Variants in SHC3 observed in about 807,000 individuals in gnomAD.
SHC3 encodes SHC-transforming protein 3.
SHC3 carries 15 observed loss-of-function variants against 60.4 expected under a neutral mutation model. The ratio of observed to expected loss-of-function variants is 0.25; its 90% CI spans 0.17 to 0.38. The LOEUF is 0.38. SHC3 is among the 10% of genes least tolerant of loss of function. The pLI is 1.00. For synonymous variants in SHC3, 294 were observed against 325.9 expected, an observed-to-expected ratio of 0.90 and a Z score of 1.05; for missense variants, 677 against 786.1, an observed-to-expected ratio of 0.86 and a Z score of 1.66.
chr9:89,022,074 T>C (rs1035780307), intron 11 of SHC3, among the ~76,000 whole-genome samples: 2 of 152,168 alleles, frequency 1.3e-5, no homozygotes, highest in African/African-American at 4.8e-5. Flanking sequence ...CAGCTGGTCC[T>C]CCAGCAAACA....
intron 4 of SHC3, among the ~76,000 whole-genome samples, chr9:89,073,275 G>A (rs1825302960): frequency 6.6e-6 from 1 of 152,236 alleles, no homozygotes; most frequent in African/African-American, 2.4e-5. Flanking sequence ...CGTGATGCGT[G>A]AGCCTTATTG....
At chr9:89,098,875 G>A (rs1825743229) in intron 2 of SHC3, among the ~76,000 whole-genome samples, 1 of 152,088 alleles carries the variant, frequency 6.6e-6, no homozygotes. Context: ...GGGAGGCTGA[G>A]GCAGAAGAAT....
intron 5 of SHC3, among the ~76,000 whole-genome samples, chr9:89,067,947 A>G (rs959757275): frequency 3.3e-5 from 5 of 152,194 alleles, no homozygotes; most frequent in Admixed American, 2.0e-4. Flanking sequence ...TAATGAATAC[A>G]AGGAATATAT....
intron 6 of SHC3, among the ~76,000 whole-genome samples, chr9:89,054,634 C>T (rs1360213071): frequency 6.6e-6 from 1 of 152,210 alleles, no homozygotes; most frequent in Non-Finnish European, 1.5e-5. Context: ...CCTGAGGAAA[C>T]AACAAAACCA....
intron 1 of SHC3, among the ~76,000 whole-genome samples, chr9:89,167,665 T>C (rs1016823043): frequency 1.3e-5 from 2 of 152,272 alleles, no homozygotes; most frequent in African/African-American, 4.8e-5. Context: ...ATTTGTTCTT[T>C]AATTTGGTCA....
intron 2 of SHC3, among the ~76,000 whole-genome samples, chr9:89,086,845 A>T (rs1825538250): frequency 1.3e-5 from 2 of 152,182 alleles, no homozygotes; most frequent in African/African-American, 4.8e-5. Context: ...CCAAATGCAT[A>T]TTTCACAGTA....
chr9:89,019,715 G>T (rs1826166554), intron 11 of SHC3, among the ~76,000 whole-genome samples: 1 of 152,080 alleles, frequency 6.6e-6, no homozygotes, highest in Non-Finnish European at 1.5e-5. Flanking sequence ...AGATCTACAT[G>T]AGGAAAACTA....
intron 2 of SHC3, among the ~76,000 whole-genome samples, chr9:89,080,707 T>A (rs1295017451): frequency 6.7e-6 from 1 of 148,198 alleles, no homozygotes; most frequent in African/African-American, 2.5e-5. Flanking sequence ...AATGAAACGA[T>A]GAAAGTAGTA....
Position 89,026,764 on chromosome 9 carries a change from C to T in SHC3, c.1656+11229G>A, listed in dbSNP as rs192117724. Among the ~76,000 whole-genome samples, 723 of 152,328 alleles carry T rather than the reference C, an allele frequency of 4.7e-3. 1 individual carries two copies. Among genetic ancestry groups the T allele is most frequent in the Non-Finnish European group, 7.5e-3 (511 of 68,022 alleles). On this transcript the variant is annotated intron_variant, in intron 11 of 11. Coordinates refer to ENST00000375835, the MANE Select transcript of SHC3 (RefSeq NM_016848.6). ...CCCACAAGCAACCCCTTTGCCTGGGCGAGCACTCACTTTCCACCTGAGGAG... is the reference window on the plus strand; with the variant it reads ...CCCACAAGCAACCCCTTTGCCTGGGTGAGCACTCACTTTCCACCTGAGGAG...
intron 2 of SHC3, chr9:89,110,564 T>A: frequency 1.4e-6 from 1 of 699,874 alleles, no homozygotes; most frequent in Non-Finnish European, 1.8e-6. Context: ...TGCAAAGTGC[T>A]TCATTCTGAA....
intron 11 of SHC3, among the ~76,000 whole-genome samples, chr9:89,027,969 G>A (rs1826349282): frequency 1.3e-5 from 2 of 152,204 alleles, no homozygotes; most frequent in South Asian, 4.1e-4. Flanking sequence ...AGACAAACTA[G>A]CATTTTGCCT....
At chr9:89,175,654 T>C (rs992606112) in intron 1 of SHC3, among the ~76,000 whole-genome samples, 3 of 152,202 alleles carry the variant, frequency 2.0e-5, no homozygotes, top group South Asian at 2.1e-4. Context: ...ATTTTTAATT[T>C]AGAAAAAAAT....
At chr9:89,093,281 A>G (rs61435733) in intron 2 of SHC3, among the ~76,000 whole-genome samples, 2,783 of 152,316 alleles carry the variant, frequency 0.018, 66 homozygotes, top group African/African-American at 0.064. Flanking sequence ...AGAATTGCAT[A>G]GAATGGTTCC....
At chr9:89,014,485 C>T (rs1826063142) in intron 11 of SHC3, among the ~76,000 whole-genome samples, 1 of 152,130 alleles carries the variant, frequency 6.6e-6, no homozygotes, top group South Asian at 2.1e-4. Flanking sequence ...TCCATTCACC[C>T]TCACAGGCCA....
At chr9:89,136,510 C>T (rs1299130285) in intron 1 of SHC3, among the ~76,000 whole-genome samples, 2 of 152,128 alleles carry the variant, frequency 1.3e-5, no homozygotes, top group Non-Finnish European at 2.9e-5. Context: ...TTTACAAATG[C>T]CAGGAAATGT....
At chr9:89,052,738 T>A (rs559948048) in intron 6 of SHC3, among the ~76,000 whole-genome samples, 1 of 152,332 alleles carries the variant, frequency 6.6e-6, no homozygotes, top group East Asian at 1.9e-4. Context: ...ATATTAATTA[T>A]CAGTGTGACC....
At chr9:89,144,459 C>G (rs1396003745) in intron 1 of SHC3, among the ~76,000 whole-genome samples, 2 of 152,082 alleles carry the variant, frequency 1.3e-5, no homozygotes, top group Non-Finnish European at 2.9e-5. Flanking sequence ...GAGCCTAATG[C>G]TAATGATCTG....
chr9:89,047,875 G>C (rs1824798865), intron 7 of SHC3, among the ~76,000 whole-genome samples: 1 of 152,156 alleles, frequency 6.6e-6, no homozygotes, highest in Admixed American at 6.5e-5. Context: ...TCACTCCCAG[G>C]TATATACATA....
At chr9:89,132,416 G>C (rs1008939681) in intron 1 of SHC3, among the ~76,000 whole-genome samples, 1 of 152,064 alleles carries the variant, frequency 6.6e-6, no homozygotes, top group African/African-American at 2.4e-5. Flanking sequence ...CTACTTTAAA[G>C]TTCATATGGA....
Sources: gnomAD v4.1 joint callset for allele counts (sites outside exome capture counted in the v4.1 genomes callset) on GRCh38, gnomAD v4.1.1 for gene constraint, MANE v1.5 for transcripts, NCBI Gene and HGNC (gene_info 2026-07-23, HGNC 2026-07-21) for gene names.